Variants in MAP2K1 observed in about 807,000 individuals in gnomAD.
MAP2K1 encodes the protein mitogen-activated protein kinase kinase 1, also known as dual specificity mitogen-activated protein kinase kinase 1.
A neutral mutation model predicts 46.3 loss-of-function variants in MAP2K1; 16 were observed. The observed-to-expected ratio is 0.35, with a 90% CI of 0.23 to 0.52. The LOEUF is 0.52. Among genes scored for constraint, MAP2K1 ranks in the 20% least tolerant of loss-of-function variants. The probability of loss-of-function intolerance (pLI) is 0.94; values close to 1 mark genes in which losing one functional copy is unlikely to be tolerated. For synonymous variants in MAP2K1, 183 were observed against 185.6 expected, an observed-to-expected ratio of 0.99 and a Z score of 0.11; for missense variants, 263 against 497.1, an observed-to-expected ratio of 0.53 and a Z score of 4.48.
intron 4 of MAP2K1, 81 bp downstream of exon 4, chr15:66,443,438 A>G: frequency 1.1e-6 from 1 of 896,302 alleles, no homozygotes; most frequent in Non-Finnish European, 1.9e-6. Flanking sequence ...AGAGAGGAAG[A>G]TGGGAAGTCA....
rs184884332 is a variant in MAP2K1 at position 66,431,600 on chromosome 15, T to G, written c.81-3427T>G. On this transcript the variant is annotated intron_variant, in intron 1 of 10. Transcript: ENST00000307102. The stretch of plus-strand genomic sequence containing the variant: ...AGAAATGTGTCAAAAATTTCTTGCT[T>G]CTTCCATTAGTTTCTATTTTGACCC... 1.4e-3 allele frequency among the ~76,000 whole-genome samples: 213 copies of G among 152,378 alleles called. 1 individual carries two copies. The highest frequency in any genetic ancestry group is 1.9e-3 in the Non-Finnish European group (129 of 68,036).
intron 1 of MAP2K1, among the ~76,000 whole-genome samples, chr15:66,406,571 T>G (rs552425001): frequency 6.6e-6 from 1 of 152,258 alleles, no homozygotes; most frequent in Admixed American, 6.5e-5. Flanking sequence ...TATCAAAAAC[T>G]GAGAAATTGA....
intron 5 of MAP2K1, 78 bp from the exon 6 acceptor site, chr15:66,481,677 C>A (rs958699463): frequency 1.8e-5 from 27 of 1,542,030 alleles, no homozygotes; most frequent in Non-Finnish European, 2.3e-5. Context: ...CAGGGCTGGT[C>A]TGTGTGGAAT....
rs369411842 is a variant in MAP2K1, at chr15:66,420,765, G to A, written c.81-14262G>A. On this transcript the variant is annotated intron_variant, in intron 1 of 10. Transcript: ENST00000307102. ...TGTGTGTGTGTGTGTGTGTGTATGTGTGTATATATATGTGTATATATATGT... is the reference window on the plus strand; with the variant it reads ...TGTGTGTGTGTGTGTGTGTGTATGTATGTATATATATGTGTATATATATGT... Among the ~76,000 whole-genome samples the A allele has an allele frequency of 3.7e-3, 127 of 33,914 alleles. 11 individuals are homozygous for A. Among genetic ancestry groups the A allele is most frequent in the Non-Finnish European group, 7.0e-3 (88 of 12,522 alleles). 22.2% of individuals were successfully genotyped at this position (33,914 alleles called of 152,430 possible). A position where few individuals can be genotyped will look rare whatever the true frequency, so the allele number is the denominator to read the frequency against.
chr15:66,453,104 G>A (rs1419506938), intron 5 of MAP2K1, among the ~76,000 whole-genome samples: 1 of 152,162 alleles, frequency 6.6e-6, no homozygotes, highest in Non-Finnish European at 1.5e-5. Context: ...CTAGTCCTGT[G>A]TTTTTCTGTA....
chr15:66,409,413 G>A (rs2140535257), intron 1 of MAP2K1, among the ~76,000 whole-genome samples: 1 of 152,202 alleles, frequency 6.6e-6, no homozygotes. Flanking sequence ...GATGGATCTG[G>A]GAGCCTCTTT....
intron 5 of MAP2K1, among the ~76,000 whole-genome samples, chr15:66,477,125 T>C (rs1228996108): frequency 2.6e-5 from 4 of 152,128 alleles, no homozygotes; most frequent in African/African-American, 7.2e-5. Flanking sequence ...ACCCCTTCCA[T>C]CTCTGCTGCC....
intron 1 of MAP2K1, among the ~76,000 whole-genome samples, chr15:66,416,306 C>T (rs926420286): frequency 6.6e-6 from 1 of 152,020 alleles, no homozygotes; most frequent in African/African-American, 2.4e-5. Flanking sequence ...TCTTAGTATC[C>T]TTTCCTATGT....
chr15:66,444,952 T>C, intron 5 of MAP2K1: 3 of 518,638 alleles, frequency 5.8e-6, no homozygotes, highest in Non-Finnish European at 1.0e-5. Flanking sequence ...GAAGCCCAGC[T>C]AAGAGCCTCA....
At chr15:66,470,516 T>G (rs999708820) in intron 5 of MAP2K1, among the ~76,000 whole-genome samples, 3 of 152,202 alleles carry the variant, frequency 2.0e-5, no homozygotes, top group African/African-American at 7.2e-5. Context: ...AAACTTGCCT[T>G]CCTTGTGTCG....
chr15:66,454,676 A>G (rs1357640337), intron 5 of MAP2K1, among the ~76,000 whole-genome samples: 2 of 152,004 alleles, frequency 1.3e-5, no homozygotes. Context: ...CAAGGTCAGC[A>G]GTTTTGAGAC....
chr15:66,489,350 C>T, intron 9 of MAP2K1, 74 bp downstream of exon 9: 2 of 1,359,596 alleles, frequency 1.5e-6, no homozygotes, highest in Non-Finnish European at 2.1e-6. Context: ...TCTGGAAGCA[C>T]CAGCATTGCT....
intron 8 of MAP2K1, among the ~76,000 whole-genome samples, chr15:66,487,636 TCA>T (rs1893087996): frequency 6.6e-6 from 1 of 152,132 alleles, no homozygotes; most frequent in Admixed American, 6.6e-5. Context: ...TGTCACAGGT[TCA>T]GTCTACTAGG....
At chr15:66,460,734 TAGG>T (rs1309196357) in intron 5 of MAP2K1, among the ~76,000 whole-genome samples, 1 of 151,812 alleles carries the variant, frequency 6.6e-6, no homozygotes, top group Non-Finnish European at 1.5e-5. Context: ...AGAGGTCAAT[TAGG>T]AGGCCGTTGC....
At chr15:66,460,872 G>C (rs190736808) in intron 5 of MAP2K1, among the ~76,000 whole-genome samples, 79 of 152,258 alleles carry the variant, frequency 5.2e-4, no homozygotes, top group African/African-American at 1.9e-3. Context: ...GATGGGTAGG[G>C]GAGTAGCAGG....
chr15:66,388,841 A>G (rs1439855510), intron 1 of MAP2K1, among the ~76,000 whole-genome samples: 3 of 148,264 alleles, frequency 2.0e-5, no homozygotes, highest in South Asian at 2.1e-4. Flanking sequence ...TGTGGGGTCT[A>G]TTTTGCATAA....
In MAP2K1 at chr15:66,421,041, T is replaced by G. The variant is rs532816654; in HGVS notation, c.81-13986T>G. 2.2e-4 allele frequency among the ~76,000 whole-genome samples: 33 copies of G among 148,872 alleles called. 1 individual carries two copies. The highest frequency in any genetic ancestry group is 4.2e-4 in the Non-Finnish European group (28 of 67,362). The stretch of plus-strand genomic sequence containing the variant: ...TACTTATAATTTTTATATGTACAAT[T>G]TTATATATATGTACACACATACACA... On this transcript the variant is annotated intron_variant, in intron 1 of 10. Coordinates refer to ENST00000307102, the MANE Select transcript of MAP2K1 (RefSeq NM_002755.4).
At position 66,437,998 on chromosome 15, in the gene MAP2K1, A is replaced by T. The variant is rs74022007; in HGVS notation, c.438+1106A>T. Among the ~76,000 whole-genome samples, 822 of 104,842 alleles carry T rather than the reference A, an allele frequency of 7.8e-3. 8 individuals are homozygous for T. Among genetic ancestry groups the T allele is most frequent in the African/African-American group, 0.027 (756 of 27,940 alleles). 68.8% of individuals were successfully genotyped at this position (104,842 alleles called of 152,430 possible). A position where few individuals can be genotyped will look rare whatever the true frequency, so the allele number is the denominator to read the frequency against. On this transcript the variant is annotated intron_variant, in intron 3 of 10. Coordinates refer to ENST00000307102, the MANE Select transcript of MAP2K1 (RefSeq NM_002755.4). ...GCTTCCCCTCAGGGAGCTGTTTCTT[A>T]TCCCTTGGGTCTCTTGTGTTCTTTT...
chr15:66,434,239 A>G (rs1373635476), intron 1 of MAP2K1, among the ~76,000 whole-genome samples: 3 of 152,158 alleles, frequency 2.0e-5, no homozygotes, highest in Non-Finnish European at 4.4e-5. Flanking sequence ...AGATTGGGGG[A>G]AATCATAAAA....
Sources: allele counts gnomAD v4.1 joint callset (sites outside exome capture counted in the v4.1 genomes callset), GRCh38; gene constraint gnomAD v4.1.1; transcripts MANE v1.5; gene names NCBI Gene and HGNC (gene_info 2026-07-23, HGNC 2026-07-21).